Variants in SCN2A observed in about 807,000 individuals in gnomAD.
SCN2A encodes sodium voltage-gated channel alpha subunit 2.
SCN2A carries 20 observed loss-of-function variants against 188.7 expected under a neutral mutation model. The observed-to-expected ratio is 0.11, with a 90% CI of 0.07 to 0.15. The LOEUF is 0.15. Among genes scored for constraint, SCN2A ranks in the 10% least tolerant of loss-of-function variants. The pLI is 1.00. For missense variants in SCN2A, 1,278 were observed against 2,445.0 expected, an observed-to-expected ratio of 0.52 and a Z score of 10.07; for synonymous variants, 804 against 833.1, an observed-to-expected ratio of 0.97 and a Z score of 0.60.
At chr2:165,365,393 C>G (rs1442730230) in intron 18 of SCN2A, 130 bp downstream of exon 18, 2 of 1,037,894 alleles carry the variant, frequency 1.9e-6, no homozygotes, top group East Asian at 5.3e-5. Flanking sequence ...ATCTATCTAT[C>G]TATCTAGTAA....
intron 26 of SCN2A, among the ~76,000 whole-genome samples, 189 bp from the exon 27 acceptor site, chr2:165,388,440 T>A (rs181858458): frequency 5.3e-5 from 8 of 152,300 alleles, no homozygotes; most frequent in Admixed American, 5.2e-4. Flanking sequence ...TCATTTAATA[T>A]AAAGATGTAA....
chr2:165,258,905 G>C (rs1694449239), intron 1 of SCN2A, among the ~76,000 whole-genome samples: 1 of 152,146 alleles, frequency 6.6e-6, no homozygotes. Context: ...GACACAAAGA[G>C]GGGAACAATA....
intron 12 of SCN2A, among the ~76,000 whole-genome samples, chr2:165,324,994 A>G (rs945841628): frequency 6.6e-6 from 1 of 152,168 alleles, no homozygotes. Context: ...TCCTGTGCCT[A>G]CCCAGACCTT....
At chr2:165,338,468 G>T (rs1432552597) in intron 14 of SCN2A, among the ~76,000 whole-genome samples, 2 of 151,924 alleles carry the variant, frequency 1.3e-5, no homozygotes, top group Non-Finnish European at 2.9e-5. Context: ...CATCGTGTTA[G>T]CCAGGATGGT....
intron 1 of SCN2A, among the ~76,000 whole-genome samples, chr2:165,251,794 T>G (rs1240166822): frequency 6.6e-6 from 1 of 152,122 alleles, no homozygotes; most frequent in Non-Finnish European, 1.5e-5. Context: ...GTGTGTCATC[T>G]GTTTTCTGCT....
At chr2:165,264,275 C>G (rs1382620062) in intron 1 of SCN2A, among the ~76,000 whole-genome samples, 1 of 152,042 alleles carries the variant, frequency 6.6e-6, no homozygotes, top group South Asian at 2.1e-4. Context: ...GGGTTTTGTA[C>G]CAGGGATGCA....
At chr2:165,293,910 A>G in intron 1 of SCN2A, 3 of 982,824 alleles carry the variant, frequency 3.1e-6, no homozygotes, top group Non-Finnish European at 3.6e-6. Context: ...TGGTAGTTAC[A>G]ATAATGCCAT....
chr2:165,338,506 C>T (rs943122523), intron 14 of SCN2A, among the ~76,000 whole-genome samples: 2 of 151,942 alleles, frequency 1.3e-5, no homozygotes, highest in African/African-American at 4.8e-5. Context: ...ATGATCCGCC[C>T]GTCTCGGCCT....
chr2:165,288,398 C>CT (rs113368992), intron 1 of SCN2A, among the ~76,000 whole-genome samples: 59,109 of 148,486 alleles, frequency 0.4, 12,162 homozygotes, highest in East Asian at 0.61. Context: ...TCTTGACAGG[C>CT]TTTTTTTTTC....
chr2:165,284,839 T>A (rs1227630754), intron 1 of SCN2A, among the ~76,000 whole-genome samples: 3 of 152,182 alleles, frequency 2.0e-5, no homozygotes, highest in African/African-American at 7.2e-5. Context: ...AGATTAGAGG[T>A]GGCCTTCCTG....
intron 1 of SCN2A, chr2:165,272,238 T>A (rs1035263964): frequency 8.6e-5 from 13 of 152,042 alleles, no homozygotes; most frequent in African/African-American, 3.1e-4. Flanking sequence ...AAAGTAGATT[T>A]TAAGACAAAG....
Position 165,313,894 on chromosome 2 carries a change from T to C in SCN2A, c.1177-8T>C, listed in dbSNP as rs1060504831. 2 of 1,613,628 alleles carry C rather than the reference T, an allele frequency of 1.2e-6. No homozygotes were observed. The highest frequency in any genetic ancestry group is 3.3e-5 in the Admixed American group (2 of 59,966). Reference sequence around the variant, plus strand: ...AAAATTTATTAAAATCTCTCTTCCATTTTGCAGACACTACGTGCTGCTGGG... The same window carrying C: ...AAAATTTATTAAAATCTCTCTTCCACTTTGCAGACACTACGTGCTGCTGGG... On this transcript the variant is annotated splice_polypyrimidine_tract_variant and splice_region_variant and intron_variant, in intron 9 of 26. Coordinates refer to ENST00000375437, the MANE Select transcript of SCN2A (RefSeq NM_001040142.2).
intron 1 of SCN2A, 91 bp from the exon 2 acceptor site, chr2:165,295,682 A>G (rs539963118): frequency 1.7e-6 from 2 of 1,195,218 alleles, no homozygotes; most frequent in Admixed American, 2.1e-5. Context: ...CTGAGTTTCT[A>G]TGCTGTATCT....
chr2:165,288,036 T>C (rs1318594439), intron 1 of SCN2A, among the ~76,000 whole-genome samples: 1 of 152,232 alleles, frequency 6.6e-6, no homozygotes, highest in Non-Finnish European at 1.5e-5. Flanking sequence ...TAACTCTCCC[T>C]CATTTGATTT....
At position 165,389,725 on chromosome 2, in the gene SCN2A, C is replaced by T. The variant is rs73025979; in HGVS notation, c.5919C>T (p.Pro1973=). The change falls in exon 27 of 27, where the codon CCC becomes CCT. Residue 1973 remains proline, a synonymous_variant. Coordinates refer to ENST00000375437, the MANE Select transcript of SCN2A (RefSeq NM_001040142.2). This position sits in a 1 kb window ranked among gnomAD's most constrained non-coding sequence, Gnocchi z 4.2. ...TDMTPSTTSP[P]SYDSVTKPEK... ...TGACGCCTTCCACCACGTCTCCACC[C>T]TCGTATGATAGTGTGACCAAACCAG... The T allele has an allele frequency of 1.6e-3, 2,591 of 1,613,846 alleles. 33 individuals carry two copies. In the African/African-American group the frequency reaches 0.028, roughly 17 times the overall value.
At chr2:165,381,764 A>G (rs1701613044) in intron 25 of SCN2A, among the ~76,000 whole-genome samples, 1 of 151,996 alleles carries the variant, frequency 6.6e-6, no homozygotes, top group Non-Finnish European at 1.5e-5. Context: ...TGGCTCTTCC[A>G]GGTGTACATT....
chr2:165,377,637 T>C lies in SCN2A; in HGVS notation c.4295T>C (p.Val1432Ala). The part of the protein sequence containing the change: ...KGWMDIMYAA[V>A]DSRNVELQPK... Reference sequence around the variant, plus strand: ...TGGATGGATATTATGTATGCAGCTGTTGATTCACGAAATGTAAGTCTAGTT... The same window carrying C: ...TGGATGGATATTATGTATGCAGCTGCTGATTCACGAAATGTAAGTCTAGTT... The change falls in exon 23 of 27, where the codon GTT (valine) becomes GCT (alanine). Residue 1432 changes from valine to alanine, a missense_variant. This residue lies in a region of SCN2A where 97 missense variants were observed against 266.1 expected (regional missense o/e 0.36). Coordinates refer to ENST00000375437, the MANE Select transcript of SCN2A (RefSeq NM_001040142.2). The C allele has an allele frequency of 6.2e-7, 1 of 1,607,102 alleles. No homozygotes were observed. Among genetic ancestry groups the C allele is most frequent in the Non-Finnish European group, 8.5e-7 (1 of 1,175,756 alleles).
chr2:165,364,039 C>T (rs895390437), intron 17 of SCN2A, among the ~76,000 whole-genome samples: 5 of 151,932 alleles, frequency 3.3e-5, no homozygotes, highest in Non-Finnish European at 7.4e-5. Context: ...AATCCTATGC[C>T]CAAATATAAA....
Position 165,331,461 on chromosome 2 carries a change from G to T in SCN2A, c.2281G>T (p.Val761Phe), listed in dbSNP as rs2105293473. 6.2e-7 allele frequency: 1 copy of T among 1,613,822 alleles called. No individual in the cohort carries two copies. Among genetic ancestry groups the T allele is most frequent in the Admixed American group, 1.7e-5 (1 of 60,008 alleles). The change falls in exon 14 of 27, where the codon GTT (valine) becomes TTT (phenylalanine). Residue 761 changes from valine to phenylalanine, a missense_variant. Around this residue, in one of 17 missense-constraint regions of SCN2A, gnomAD observed 315 missense variants for 386.6 expected, o/e 0.81. Transcript: ENST00000375437. ...CAACCTGGTTGTAATGGACCCATTT[G>T]TTGACCTGGCCATCACCATCTGCAT... is the stretch of plus-strand genomic sequence containing the variant. Reference protein sequence around the residue: ...LVNLVVMDPFVDLAITICIVL... With the variant: ...LVNLVVMDPFFDLAITICIVL...
Sources: gnomAD v4.1 joint callset for allele counts (sites outside exome capture counted in the v4.1 genomes callset) on GRCh38, gnomAD v4.1.1 for gene constraint, gnomAD v4.1.1 regional missense constraint, Gnocchi (gnomAD v3.1) non-coding constraint, MANE v1.5 for transcripts, NCBI Gene and HGNC (gene_info 2026-07-23, HGNC 2026-07-21) for gene names.